Variants in SERPINB8 observed in about 807,000 individuals in gnomAD.
The protein encoded by SERPINB8 is serpin B8.
Under a neutral mutation model 35.3 loss-of-function variants are expected in SERPINB8, and 25 were observed. The observed-to-expected ratio is 0.71, with a 90% CI of 0.52 to 0.99. SERPINB8 has a LOEUF of 0.99. Among genes scored for constraint, SERPINB8 ranks in the 50% least tolerant of loss-of-function variants. The probability of loss-of-function intolerance (pLI) is 0.00; values close to 1 mark genes in which losing one functional copy is unlikely to be tolerated. For synonymous variants in SERPINB8, 186 were observed against 160.8 expected, an observed-to-expected ratio of 1.16 and a Z score of -1.19; for missense variants, 484 against 446.5, an observed-to-expected ratio of 1.08 and a Z score of -0.76.
In SERPINB8 at chr18:63,978,385, G is replaced by A. The variant is rs766019493; in HGVS notation, c.77G>A (p.Arg26Lys). 1.2e-6 allele frequency: 2 copies of A among 1,614,242 alleles called. No individual in the cohort carries two copies. The highest frequency in any genetic ancestry group is 2.2e-5 in the East Asian group (1 of 44,892). ...ATATTGGGGGAAGAGGACAACTCAA[G>A]AAACGTATTCTTCTCTCCCATGAGC... Reference protein sequence around the residue: ...FKILGEEDNSRNVFFSPMSIS... With the variant: ...FKILGEEDNSKNVFFSPMSIS... The change falls in exon 2 of 7, where the codon AGA (arginine) becomes AAA (lysine). Residue 26 changes from arginine to lysine, a missense_variant. Coordinates refer to ENST00000397985, the MANE Select transcript of SERPINB8 (RefSeq NM_002640.4).
intron 1 of SERPINB8, among the ~76,000 whole-genome samples, chr18:64,003,786 G>A (rs975665894): frequency 6.6e-6 from 1 of 152,042 alleles, no homozygotes; most frequent in Admixed American, 6.5e-5. Context: ...CAGACATTTT[G>A]TTGTATGCAG....
At chr18:63,998,295 C>T (rs1016087868) in intron 1 of SERPINB8, among the ~76,000 whole-genome samples, 2 of 152,144 alleles carry the variant, frequency 1.3e-5, no homozygotes, top group African/African-American at 4.8e-5. Flanking sequence ...TCAGTCCCTC[C>T]AAAACCATAT....
At chr18:63,972,722 G>A (rs2050508052) in intron 1 of SERPINB8, among the ~76,000 whole-genome samples, 1 of 126,958 alleles carries the variant, frequency 7.9e-6, no homozygotes, top group East Asian at 2.6e-4. Flanking sequence ...TCCCACCTAT[G>A]AGTGAGAACA....
intron 5 of SERPINB8, 121 bp downstream of exon 5, chr18:63,983,842 T>A: frequency 1.4e-6 from 1 of 694,634 alleles, no homozygotes; most frequent in Middle Eastern, 4.2e-4. Context: ...TTCTGAATTA[T>A]ATTATATTAT....
chr18:63,992,304 A>G (rs2050828801), downstream of SERPINB8, among the ~76,000 whole-genome samples: 1 of 152,202 alleles, frequency 6.6e-6, no homozygotes, highest in African/African-American at 2.4e-5. Context: ...GAACTATTCA[A>G]ATTACATATT....
chr18:64,003,458 G>T (rs1233402043), intron 1 of SERPINB8, among the ~76,000 whole-genome samples: 3 of 152,138 alleles, frequency 2.0e-5, no homozygotes, highest in Admixed American at 6.5e-5. Flanking sequence ...CTTGAGCACC[G>T]GGGGGTATTA....
At chr18:63,994,702 G>A (rs77070217) in intron 1 of SERPINB8, among the ~76,000 whole-genome samples, 1 of 152,208 alleles carries the variant, frequency 6.6e-6, no homozygotes, top group East Asian at 1.9e-4. Flanking sequence ...GATGCCCTTC[G>A]CAGAGGCTAT....
At chr18:64,009,598 G>C (rs2050916355), downstream of SERPINB8, among the ~76,000 whole-genome samples, 3 of 152,222 alleles carry the variant, frequency 2.0e-5, no homozygotes, top group South Asian at 6.2e-4. Context: ...GCAGGGAAAT[G>C]ATCGCCCAGT....
At chr18:63,980,023 G>A in intron 3 of SERPINB8, 85 bp downstream of exon 3, 1 of 1,323,946 alleles carries the variant, frequency 7.6e-7, no homozygotes, top group South Asian at 1.3e-5. Context: ...TAACTGTACT[G>A]ACTTAAAACG....
At chr18:63,993,583 GT>G (rs1307513177), downstream of SERPINB8, among the ~76,000 whole-genome samples, 19 of 152,304 alleles carry the variant, frequency 1.2e-4, no homozygotes, top group Admixed American at 4.6e-4. Flanking sequence ...TGATAGTGTT[GT>G]TCAGGTCTTC....
At chr18:63,990,272 C>T (rs1334725376), downstream of SERPINB8, among the ~76,000 whole-genome samples, 2 of 151,758 alleles carry the variant, frequency 1.3e-5, no homozygotes, top group African/African-American at 4.8e-5. Flanking sequence ...TACAGGGTTT[C>T]CCCATGTTGG....
Position 63,981,730 on chromosome 18 carries a change from G to A in SERPINB8, c.316G>A (p.Glu106Lys). The A allele has an allele frequency of 6.2e-7, 1 of 1,611,426 alleles. No individual in the cohort carries two copies. Among genetic ancestry groups the A allele is most frequent in the Non-Finnish European group, 8.5e-7 (1 of 1,177,844 alleles). ...TGTTTTGTGTTTGCAGGACTTTAAA[G>A]AATACTGTCAGAAGTTCTATCAGGC... The part of the protein sequence containing the change: ...KTCDFLPDFK[E>K]YCQKFYQAEL... Residue 106 changes from glutamate to lysine, a missense_variant, in exon 4 of 7, where the codon GAA becomes AAA. Coordinates refer to ENST00000397985, the MANE Select transcript of SERPINB8 (RefSeq NM_002640.4).
intron 1 of SERPINB8, among the ~76,000 whole-genome samples, chr18:63,997,470 G>A (rs1031321276): frequency 4.6e-5 from 7 of 152,174 alleles, no homozygotes; most frequent in Non-Finnish European, 7.4e-5. Flanking sequence ...CTTGGCCAAT[G>A]GGAACTCAGA....
At chr18:64,006,986 A>G (rs1482635864), downstream of SERPINB8, among the ~76,000 whole-genome samples, 1 of 152,096 alleles carries the variant, frequency 6.6e-6, no homozygotes, top group Non-Finnish European at 1.5e-5. Flanking sequence ...ATAAAAGAAG[A>G]TACTTATGAA....
At position 63,989,241 on chromosome 18, in the gene SERPINB8, T is replaced by C. The variant is rs1424044937; in HGVS notation, c.*1963T>C. On this transcript the variant is annotated 3_prime_UTR_variant, in exon 7 of 7. Transcript: ENST00000397985. ...ATGTATCAATAGTTCATCCCTTTTA[T>C]TGGTAAGTAACATTTTTTTGTATAG... is the stretch of plus-strand genomic sequence containing the variant. The C allele has an allele frequency of 6.6e-6, 1 of 152,276 alleles. No homozygotes were observed. The highest frequency in any genetic ancestry group is 1.5e-5 in the Non-Finnish European group (1 of 68,048). 9.4% of individuals were successfully genotyped at this position (152,276 alleles called of 1,614,324 possible). A position where few individuals can be genotyped will look rare whatever the true frequency, so the allele number is the denominator to read the frequency against.
chr18:63,996,304 G>A (rs2050849062), intron 1 of SERPINB8, among the ~76,000 whole-genome samples: 1 of 152,156 alleles, frequency 6.6e-6, no homozygotes, highest in Admixed American at 6.5e-5. Flanking sequence ...ATGGCCTCAG[G>A]TACCTGGTGA....
At chr18:64,013,401 T>C (rs1006398346) in intron 7 of SERPINB8, among the ~76,000 whole-genome samples, 5 of 152,218 alleles carry the variant, frequency 3.3e-5, no homozygotes, top group African/African-American at 1.2e-4. Flanking sequence ...TACCATGGAA[T>C]ACCCTCCTAT....
chr18:63,995,554 GTA>G (rs2050845172), intron 1 of SERPINB8, among the ~76,000 whole-genome samples: 1 of 152,210 alleles, frequency 6.6e-6, no homozygotes, highest in Non-Finnish European at 1.5e-5. Context: ...TGGTATAGAT[GTA>G]TTGTCTATAT....
rs1159257152 is a variant in SERPINB8 at position 63,978,418 on chromosome 18, C to T, written c.110C>T (p.Ser37Phe). 6.2e-7 allele frequency: 1 copy of T among 1,614,120 alleles called. No individual in the cohort carries two copies. Among genetic ancestry groups the T allele is most frequent in the African/African-American group, 1.3e-5 (1 of 74,950 alleles). ...TTCTTCTCTCCCATGAGCATCTCCT[C>T]TGCCCTGGCCATGGTCTTCATGGGG... ...NVFFSPMSIS[S>F]ALAMVFMGAK... The change falls in exon 2 of 7, where the codon TCT (serine) becomes TTT (phenylalanine). Residue 37 changes from serine to phenylalanine, a missense_variant. By Grantham distance (155) the Ser-to-Phe change is radical. Coordinates refer to ENST00000397985, the MANE Select transcript of SERPINB8 (RefSeq NM_002640.4).
Sources: allele counts gnomAD v4.1 joint callset (sites outside exome capture counted in the v4.1 genomes callset), GRCh38; gene constraint gnomAD v4.1.1; transcripts MANE v1.5; gene names NCBI Gene and HGNC (gene_info 2026-07-23, HGNC 2026-07-21).